Variants in TMC5 observed in about 807,000 individuals in gnomAD.
TMC5 encodes the protein transmembrane channel-like protein 5.
Under a neutral mutation model 110.5 loss-of-function variants are expected in TMC5, and 86 were observed. The ratio of observed to expected loss-of-function variants is 0.78; its 90% CI spans 0.65 to 0.93. TMC5 has a LOEUF of 0.93. TMC5 is among the 40% of genes least tolerant of loss of function. TMC5 has a pLI of 0.00. For missense variants in TMC5, 1,144 were observed against 1,222.8 expected, an observed-to-expected ratio of 0.94 and a Z score of 0.96; for synonymous variants, 455 against 439.5, an observed-to-expected ratio of 1.04 and a Z score of -0.44.
chr16:19,442,698 C>A (rs1967518156), intron 3 of TMC5, among the ~76,000 whole-genome samples: 1 of 152,162 alleles, frequency 6.6e-6, no homozygotes, highest in South Asian at 2.1e-4. Flanking sequence ...AAGTTGTAAC[C>A]AATATGAGTT....
At chr16:19,427,801 GGCAAAGTCGCCCC>G (rs2143391077) in intron 1 of TMC5, among the ~76,000 whole-genome samples, 2 of 152,048 alleles carry the variant, frequency 1.3e-5, no homozygotes, top group African/African-American at 4.8e-5. Flanking sequence ...TGCTCTCAGA[GGCAAAGTCGCCCC>G]CACTTGAGAA....
chr16:19,473,177 C>G (rs1968388382), intron 11 of TMC5, among the ~76,000 whole-genome samples: 1 of 151,660 alleles, frequency 6.6e-6, no homozygotes, highest in African/African-American at 2.4e-5. Flanking sequence ...GAAACCCCGT[C>G]TCTACTAAAA....
At chr16:19,413,377 A>G (rs1313189152), upstream of TMC5, among the ~76,000 whole-genome samples, 3 of 151,972 alleles carry the variant, frequency 2.0e-5, no homozygotes, top group East Asian at 5.8e-4. Flanking sequence ...TACAAAAATT[A>G]GCTGGGTGTG....
intron 9 of TMC5, 51 bp from the exon 10 acceptor site, chr16:19,469,630 C>CA (rs1217692052): frequency 6.2e-7 from 1 of 1,608,598 alleles, no homozygotes; most frequent in South Asian, 1.1e-5. Context: ...CCCTGCACTC[C>CA]CAGTGACGGC....
chr16:19,451,470 A>T (rs986406782), intron 5 of TMC5, among the ~76,000 whole-genome samples: 8 of 152,160 alleles, frequency 5.3e-5, no homozygotes, highest in Non-Finnish European at 1.2e-4. Context: ...AGGGAGAATA[A>T]ATATGTTTAA....
intron 1 of TMC5, among the ~76,000 whole-genome samples, chr16:19,412,306 A>G (rs1310480018): frequency 1.3e-5 from 2 of 151,856 alleles, no homozygotes; most frequent in African/African-American, 2.4e-5. Context: ...TTCTGGGCTC[A>G]AAAGATCCTC....
chr16:19,432,918 A>G (rs1229678749), intron 2 of TMC5, among the ~76,000 whole-genome samples: 2 of 152,144 alleles, frequency 1.3e-5, no homozygotes, highest in Admixed American at 1.3e-4. Flanking sequence ...TATATAATGT[A>G]TATTATATGT....
chr16:19,418,723 T>C (rs1037753815), intron 1 of TMC5, among the ~76,000 whole-genome samples: 101 of 116,386 alleles, frequency 8.7e-4, no homozygotes, highest in Non-Finnish European at 1.3e-3. Flanking sequence ...TAAGTGATTT[T>C]TGTGTTTTTT....
intron 17 of TMC5, among the ~76,000 whole-genome samples, chr16:19,489,207 T>C (rs2143745381): frequency 6.6e-6 from 1 of 152,376 alleles, no homozygotes; most frequent in African/African-American, 2.4e-5. Flanking sequence ...GGCCTTGCTC[T>C]GCCACCCAGG....
At chr16:19,474,328 G>A (rs768985111) in intron 12 of TMC5, 52 bp downstream of exon 12, 1 of 1,577,948 alleles carries the variant, frequency 6.3e-7, no homozygotes, top group Admixed American at 1.8e-5. Context: ...AGAGAGAAGT[G>A]GGATGGCAGC....
chr16:19,496,946 C>G (rs1366865204), intron 20 of TMC5, among the ~76,000 whole-genome samples, 175 bp from the exon 21 acceptor site: 1 of 148,332 alleles, frequency 6.7e-6, no homozygotes, highest in Non-Finnish European at 1.5e-5. Flanking sequence ...TGGAATCACT[C>G]TCCCTAAAAA....
chr16:19,496,039 C>A (rs547132518), intron 20 of TMC5, among the ~76,000 whole-genome samples: 1 of 152,000 alleles, frequency 6.6e-6, no homozygotes, highest in Admixed American at 6.6e-5. Context: ...CATCTGTAAT[C>A]CCAGCTACTT....
chr16:19,422,061 T>A (rs981166772), intron 1 of TMC5, among the ~76,000 whole-genome samples: 8 of 151,448 alleles, frequency 5.3e-5, no homozygotes, highest in Non-Finnish European at 1.2e-4. Context: ...AAACCCCGTC[T>A]CTATTAAAAA....
chr16:19,424,324 TATC>T (rs1312944456), intron 1 of TMC5, among the ~76,000 whole-genome samples: 1 of 152,194 alleles, frequency 6.6e-6, no homozygotes, highest in African/African-American at 2.4e-5. Flanking sequence ...ATGGTAACCA[TATC>T]ATATTACCCG....
intron 13 of TMC5, 105 bp from the exon 14 acceptor site, chr16:19,479,326 C>T (rs774042521): frequency 1.7e-5 from 15 of 886,002 alleles, no homozygotes; most frequent in Non-Finnish European, 2.9e-5. Flanking sequence ...TTGGTCAAAC[C>T]CAACCATTAG....
rs779288159 is a variant in TMC5 at position 19,460,245 on chromosome 16, A to T, written c.1059A>T (p.Leu353Phe). 15 of 1,611,486 alleles carry T rather than the reference A, an allele frequency of 9.3e-6. No individual in the cohort carries two copies. The highest frequency in any genetic ancestry group is 1.7e-6 in the Non-Finnish European group (2 of 1,178,178). ...TAATTTCTTTCATAGGACAGAAGTT[A>T]ATCGCATCCCTTATACCCATGACAT... ...DWHKSPQGQK[L>F]IASLIPMTSR... Residue 353 changes from leucine to phenylalanine, a missense_variant, in exon 6 of 22, where the codon TTA (leucine) becomes TTT (phenylalanine). Transcript: ENST00000542583.
intron 15 of TMC5, among the ~76,000 whole-genome samples, chr16:19,484,662 G>A (rs908459332): frequency 6.6e-6 from 1 of 151,870 alleles, no homozygotes; most frequent in Non-Finnish European, 1.5e-5. Flanking sequence ...TTGGGAAGCT[G>A]AGGCAGGAGA....
intron 15 of TMC5, among the ~76,000 whole-genome samples, chr16:19,482,344 G>A (rs1014394131): frequency 2.6e-5 from 4 of 152,212 alleles, no homozygotes; most frequent in African/African-American, 7.2e-5. Flanking sequence ...ACAAGCATGA[G>A]CCACCACACC....
intron 8 of TMC5, 96 bp from the exon 9 acceptor site, chr16:19,465,986 C>T: frequency 2.2e-6 from 3 of 1,347,408 alleles, no homozygotes; most frequent in Non-Finnish European, 2.0e-6. Flanking sequence ...CTGGCCCAGG[C>T]TTCTTGTATT....
Sources: gnomAD v4.1 joint callset for allele counts (sites outside exome capture counted in the v4.1 genomes callset) on GRCh38, gnomAD v4.1.1 for gene constraint, MANE v1.5 for transcripts, NCBI Gene and HGNC (gene_info 2026-07-23, HGNC 2026-07-21) for gene names.